ZMAT4: variants seen among roughly 807,000 people sequenced by gnomAD.
ZMAT4 encodes the protein zinc finger matrin-type 4.
ZMAT4 carries 17 observed loss-of-function variants against 28.7 expected under a neutral mutation model. The ratio of observed to expected loss-of-function variants is 0.59; its 90% CI spans 0.41 to 0.89. The LOEUF (loss-of-function observed/expected upper bound fraction) is 0.89, where lower values mean the gene tolerates loss of function less well. ZMAT4 is among the 40% of genes least tolerant of loss of function. The pLI, the probability that ZMAT4 is intolerant of heterozygous loss-of-function variation, is 0.00. For synonymous variants in ZMAT4, 117 were observed against 109.2 expected (o/e 1.07, Z -0.44); for missense variants, 240 against 283.8 (o/e 0.85, Z 1.11).
intron 2 of ZMAT4, among the ~76,000 whole-genome samples, chr8:40,800,656 A>G (rs926689491): frequency 9.0e-5 from 7 of 77,374 alleles, no homozygotes; most frequent in African/African-American, 3.1e-4. Context: ...TGAATAACAC[A>G]TGGGTCAAAA....
chr8:40,688,615 C>G (rs1262496063), intron 4 of ZMAT4, among the ~76,000 whole-genome samples: 1 of 151,996 alleles, frequency 6.6e-6, no homozygotes, highest in Non-Finnish European at 1.5e-5. Flanking sequence ...GAGTGCTCAA[C>G]AAACAATAGA....
intron 5 of ZMAT4, among the ~76,000 whole-genome samples, chr8:40,666,021 G>A (rs954788638): frequency 6.6e-6 from 1 of 152,066 alleles, no homozygotes; most frequent in Non-Finnish European, 1.5e-5. Flanking sequence ...TAAAATAACT[G>A]TGCATTTTTC....
chr8:40,843,773 A>G (rs929405889), intron 1 of ZMAT4, among the ~76,000 whole-genome samples: 4 of 152,328 alleles, frequency 2.6e-5, no homozygotes, highest in Non-Finnish European at 5.9e-5. Context: ...AGTCATCACT[A>G]CATCCTGGTG....
At chr8:40,744,432 G>A (rs578131238) in intron 3 of ZMAT4, among the ~76,000 whole-genome samples, 7 of 152,218 alleles carry the variant, frequency 4.6e-5, no homozygotes, top group African/African-American at 1.2e-4. Flanking sequence ...AAAATATTAG[G>A]AACACCCTGC....
intron 6 of ZMAT4, among the ~76,000 whole-genome samples, chr8:40,539,724 G>T (rs1802965722): frequency 6.6e-6 from 1 of 152,196 alleles, no homozygotes; most frequent in South Asian, 2.1e-4. Context: ...TTACTTGAAA[G>T]AAAAATTTCT....
intron 5 of ZMAT4, among the ~76,000 whole-genome samples, chr8:40,613,366 A>G (rs1805877665): frequency 6.7e-6 from 1 of 150,316 alleles, no homozygotes; most frequent in South Asian, 2.1e-4. Context: ...TTGTATTTTT[A>G]GTAGATGGGG....
intron 2 of ZMAT4, among the ~76,000 whole-genome samples, chr8:40,792,034 C>G (rs1016145165): frequency 6.6e-6 from 1 of 152,170 alleles, no homozygotes; most frequent in Non-Finnish European, 1.5e-5. Flanking sequence ...AAGACTAAAA[C>G]TAGCTATGGG....
intron 6 of ZMAT4, among the ~76,000 whole-genome samples, chr8:40,557,395 G>T (rs6989733): frequency 0.36 from 54,694 of 152,082 alleles, 13,360 homozygotes; most frequent in African/African-American, 0.7. Context: ...TCAGGCTTAT[G>T]TCTTTCCTCT....
intron 6 of ZMAT4, among the ~76,000 whole-genome samples, chr8:40,568,071 G>GA (rs1381074251): frequency 3.9e-5 from 6 of 152,132 alleles, no homozygotes; most frequent in African/African-American, 1.4e-4. Flanking sequence ...AGACCACTGG[G>GA]AGAATGATTT....
At chr8:40,797,805 G>T (rs1230768603) in intron 2 of ZMAT4, among the ~76,000 whole-genome samples, 1 of 152,174 alleles carries the variant, frequency 6.6e-6, no homozygotes, top group Non-Finnish European at 1.5e-5. Context: ...CTCCTCACCT[G>T]CAGCATCCCC....
chr8:40,773,509 TA>T (rs113357836), intron 2 of ZMAT4, among the ~76,000 whole-genome samples: 16 of 149,934 alleles, frequency 1.1e-4, no homozygotes, highest in African/African-American at 2.9e-4. Flanking sequence ...GTGGCATCTA[TA>T]AAAAAAAAAC....
intron 5 of ZMAT4, among the ~76,000 whole-genome samples, chr8:40,650,906 A>G (rs1807611416): frequency 1.3e-5 from 2 of 152,180 alleles, no homozygotes; most frequent in South Asian, 4.2e-4. Flanking sequence ...TCAATAAATT[A>G]GGTATTGATG....
intron 1 of ZMAT4, chr8:40,884,580 C>G (rs903124928): frequency 4.6e-5 from 7 of 152,428 alleles, no homozygotes; most frequent in African/African-American, 1.7e-4. Context: ...CTCTACACTG[C>G]TCACGTGCAA....
At chr8:40,889,611 G>A (rs1818593845) in intron 1 of ZMAT4, among the ~76,000 whole-genome samples, 1 of 151,982 alleles carries the variant, frequency 6.6e-6, no homozygotes, top group African/African-American at 2.4e-5. Flanking sequence ...TACACCTTTT[G>A]TTTTAATTGC....
chr8:40,892,108 C>T (rs539223361), intron 1 of ZMAT4, among the ~76,000 whole-genome samples: 2 of 152,300 alleles, frequency 1.3e-5, no homozygotes, highest in African/African-American at 2.4e-5. Context: ...CCTGAACGCC[C>T]TCACATGGTA....
chr8:40,683,588 G>T (rs1169874814), intron 4 of ZMAT4, among the ~76,000 whole-genome samples: 2 of 152,080 alleles, frequency 1.3e-5, no homozygotes, highest in Non-Finnish European at 2.9e-5. Context: ...TGTGAAACTG[G>T]GTTTTTGGAT....
chr8:40,807,575 T>C (rs1815139648), intron 2 of ZMAT4, among the ~76,000 whole-genome samples: 1 of 152,226 alleles, frequency 6.6e-6, no homozygotes, highest in African/African-American at 2.4e-5. Flanking sequence ...TGGCTCTTTA[T>C]TTTTATGAAA....
chr8:40,878,332 A>G (rs545665832), intron 1 of ZMAT4, among the ~76,000 whole-genome samples: 12 of 152,334 alleles, frequency 7.9e-5, no homozygotes, highest in African/African-American at 2.9e-4. Flanking sequence ...GGTGTTAAGA[A>G]TGAATTAAAC....
intron 6 of ZMAT4, among the ~76,000 whole-genome samples, chr8:40,563,499 A>G (rs1803814929): frequency 6.6e-6 from 1 of 152,186 alleles, no homozygotes; most frequent in Non-Finnish European, 1.5e-5. Context: ...GCAAAAGTGG[A>G]ACATGCTAGG....
Sources: gnomAD v4.1 joint callset for allele counts (sites outside exome capture counted in the v4.1 genomes callset) on GRCh38, gnomAD v4.1.1 for gene constraint, MANE v1.5 for transcripts, NCBI Gene and HGNC (gene_info 2026-07-23, HGNC 2026-07-21) for gene names.